The following SYNJ2 variants were observed in gnomAD, a reference collection of about 807,000 sequenced individuals.
SYNJ2 encodes polyphosphatidylinositol phosphatase SYNJ2.
In SYNJ2, 116 loss-of-function variants were observed where a neutral mutation model predicts 141.3. That is an observed-to-expected ratio of 0.82 (90% confidence interval 0.71 to 0.96). SYNJ2 has a LOEUF of 0.96. Ranked by LOEUF, SYNJ2 falls within the 40% of genes least tolerant of loss-of-function variation. The pLI, the probability that SYNJ2 is intolerant of heterozygous loss-of-function variation, is 0.00. For missense variants in SYNJ2, 1,873 were observed against 1,934.8 expected (o/e 0.97, Z 0.60); for synonymous variants, 745 against 777.7 (o/e 0.96, Z 0.70).
chr6:158,000,816 T>C (rs1777821103), intron 1 of SYNJ2, among the ~76,000 whole-genome samples: 1 of 152,154 alleles, frequency 6.6e-6, no homozygotes. Context: ...CTGCTGTCCT[T>C]GGGAGTGATG....
intron 18 of SYNJ2, chr6:158,078,552 C>G (rs6455993): frequency 3.1e-5 from 8 of 258,504 alleles, no homozygotes; most frequent in Non-Finnish European, 5.2e-5. Context: ...ACGTATTTTG[C>G]GGCTTTTATA....
At chr6:158,078,544 G>T in intron 18 of SYNJ2, 1 of 287,866 alleles carries the variant, frequency 3.5e-6, no homozygotes, top group Non-Finnish European at 6.5e-6. Flanking sequence ...TGCAACCTAC[G>T]TATTTTGCGG....
chr6:158,032,540 C>G (rs991998355), intron 3 of SYNJ2, among the ~76,000 whole-genome samples: 6 of 152,168 alleles, frequency 3.9e-5, no homozygotes, highest in Non-Finnish European at 1.5e-5. Flanking sequence ...ACTACGTGGT[C>G]GTTCGCAGGT....
chr6:158,091,104 A>T lies in SYNJ2; in HGVS notation c.3565+1157A>T, dbSNP rs350298. Among the ~76,000 whole-genome samples, 5 of 148,478 alleles carry T rather than the reference A, an allele frequency of 3.4e-5. No homozygotes were observed. The East Asian group carries it at 6.3e-4, about 19-fold the overall frequency. On this transcript the variant is annotated intron_variant, in intron 25 of 26. Transcript: ENST00000355585. ...AGGCCGAGGCGGGTGGATCACGAGGACAGGAAATCGAGACCATCCTGGCTA... is the reference window on the plus strand; with the variant it reads ...AGGCCGAGGCGGGTGGATCACGAGGTCAGGAAATCGAGACCATCCTGGCTA...
At chr6:157,992,407 T>TTC (rs1323097574) in intron 1 of SYNJ2, among the ~76,000 whole-genome samples, 9 of 87,238 alleles carry the variant, frequency 1.0e-4, no homozygotes, top group African/African-American at 7.1e-4. Context: ...GTTTCTTTTT[T>TTC]TTTTTTTTTT....
At chr6:157,981,801 A>AGGAGGAGGAAGG (rs1777020186), upstream of SYNJ2, 1 of 534,206 alleles carries the variant, frequency 1.9e-6, no homozygotes, top group East Asian at 4.0e-5. This position sits in a 1 kb window ranked among gnomAD's most constrained non-coding sequence, Gnocchi z 6.4. Flanking sequence ...GCGAGTGGGG[A>AGGAGGAGGAAGG]GGAGGAGGAA....
intron 25 of SYNJ2, among the ~76,000 whole-genome samples, chr6:158,091,545 G>A (rs986214072): frequency 4.6e-5 from 7 of 151,394 alleles, no homozygotes; most frequent in Non-Finnish European, 7.4e-5. Flanking sequence ...TTAGGAGATC[G>A]AGACCATCCT....
intron 20 of SYNJ2, 110 bp from the exon 21 acceptor site, chr6:158,083,319 T>G: frequency 1.5e-6 from 2 of 1,319,966 alleles, no homozygotes; most frequent in African/African-American, 1.5e-5. Context: ...GGGCCAAATG[T>G]GAAGATTGGC....
At chr6:157,989,427 A>AATATATATATATATAT (rs34948131) in intron 1 of SYNJ2, among the ~76,000 whole-genome samples, 19 of 96,294 alleles carry the variant, frequency 2.0e-4, no homozygotes, top group South Asian at 4.3e-4. Context: ...TAAAAAAATG[A>AATATATATATATATAT]ATATATATAT....
At chr6:158,000,702 C>T (rs1038085251) in intron 1 of SYNJ2, among the ~76,000 whole-genome samples, 4 of 152,166 alleles carry the variant, frequency 2.6e-5, no homozygotes, top group African/African-American at 9.7e-5. Context: ...ACACAACCCC[C>T]GCCACCCCTG....
chr6:158,067,029 G>T (rs1414321233), intron 12 of SYNJ2, among the ~76,000 whole-genome samples: 1 of 152,010 alleles, frequency 6.6e-6, no homozygotes, highest in Admixed American at 6.6e-5. Flanking sequence ...GTTGTTGTTT[G>T]TTTTTTTGAG....
rs1780437879 is a variant in SYNJ2 at position 158,049,478 on chromosome 6, AG to A, written c.796-5488del. Among the ~76,000 whole-genome samples, 5 of 152,214 alleles carry A rather than the reference AG, an allele frequency of 3.3e-5. No individual in the cohort carries two copies. In the South Asian group the frequency reaches 1.0e-3, roughly 32 times the overall value. On this transcript the variant is annotated intron_variant, in intron 5 of 26. Coordinates refer to ENST00000355585, the MANE Select transcript of SYNJ2 (RefSeq NM_003898.4). ...GACGGAGGAAGGGTGAGCTCCGGAG[AG>A]AACATGAGGCCCAGCTCCCCTCCAC...
intron 1 of SYNJ2, among the ~76,000 whole-genome samples, chr6:157,992,343 T>G (rs562991128): frequency 6.6e-6 from 1 of 152,138 alleles, no homozygotes; most frequent in Non-Finnish European, 1.5e-5. Context: ...TTTTGATTTT[T>G]AGATCCCACA....
At chr6:158,046,899 C>CT (rs111935511) in intron 5 of SYNJ2, among the ~76,000 whole-genome samples, 5,678 of 151,654 alleles carry the variant, frequency 0.037, 333 homozygotes, top group African/African-American at 0.13. Context: ...CTTCCCCCCA[C>CT]CATATGCTGT....
chr6:157,981,649 G>C (rs888669312), upstream of SYNJ2, among the ~76,000 whole-genome samples: 1 of 151,882 alleles, frequency 6.6e-6, no homozygotes, highest in African/African-American at 2.4e-5. This position sits in a 1 kb window ranked among gnomAD's most constrained non-coding sequence, Gnocchi z 6.4. Context: ...CGTGGCATCC[G>C]GGAGGCTCTT....
At chr6:158,048,863 C>G (rs1384481081) in intron 5 of SYNJ2, among the ~76,000 whole-genome samples, 1 of 152,230 alleles carries the variant, frequency 6.6e-6, no homozygotes, top group Non-Finnish European at 1.5e-5. Flanking sequence ...GCTTGCAAGC[C>G]TGCAGGAGCT....
intron 1 of SYNJ2, among the ~76,000 whole-genome samples, chr6:157,984,592 C>T (rs1051827857): frequency 2.0e-5 from 3 of 151,816 alleles, no homozygotes; most frequent in Non-Finnish European, 4.4e-5. Flanking sequence ...TTAGTAGAGA[C>T]GGGGTTGTGC....
Position 158,095,825 on chromosome 6 carries a change from T to C in SYNJ2, c.3952T>C (p.Ser1318Pro). 2 of 1,614,124 alleles carry C rather than the reference T, an allele frequency of 1.2e-6. No homozygotes were observed. The highest frequency in any genetic ancestry group is 1.7e-6 in the Non-Finnish European group (2 of 1,180,010). Residue 1318 changes from serine to proline, a missense_variant, in exon 27 of 27, where the codon TCT (serine) becomes CCT (proline). Transcript: ENST00000355585. ...SDEAPPGAGA[S>P]VPPPLEAPPL... is the part of the protein sequence containing the mutation. ...CGAAGCCCCTCCTGGGGCAGGAGCC[T>C]CTGTGCCACCACCTCTGGAGGCGCC...
At chr6:158,002,962 C>G (rs1226480321) in intron 1 of SYNJ2, among the ~76,000 whole-genome samples, 1 of 152,242 alleles carries the variant, frequency 6.6e-6, no homozygotes, top group Non-Finnish European at 1.5e-5. Context: ...GTCCTGTGCT[C>G]AAGCCCTCTT....
Sources: gnomAD v4.1 joint callset for allele counts (sites outside exome capture counted in the v4.1 genomes callset) on GRCh38, gnomAD v4.1.1 for gene constraint, Gnocchi (gnomAD v3.1) non-coding constraint, MANE v1.5 for transcripts, NCBI Gene and HGNC (gene_info 2026-07-23, HGNC 2026-07-21) for gene names.